The following NCAM1 variants were observed in gnomAD, a reference collection of about 807,000 sequenced individuals.
NCAM1 encodes the protein antigen recognized by monoclonal antibody 5.1H11.
In NCAM1, 14 loss-of-function variants were observed where a neutral mutation model predicts 109.8. That is an observed-to-expected ratio of 0.13 (90% confidence interval 0.08 to 0.20). The LOEUF is 0.20. NCAM1 is among the 10% of genes least tolerant of loss of function. The probability of loss-of-function intolerance (pLI) is 1.00; values close to 1 mark genes in which losing one functional copy is unlikely to be tolerated. For synonymous variants in NCAM1, 418 were observed against 442.9 expected (o/e 0.94, Z 0.70); for missense variants, 774 against 1,109.9 (o/e 0.70, Z 4.30).
At chr11:113,158,268 A>C (rs1942484432) in intron 1 of NCAM1, among the ~76,000 whole-genome samples, 1 of 151,794 alleles carries the variant, frequency 6.6e-6, no homozygotes. Context: ...TGTTTCCTTA[A>C]AATGACAGGC....
intron 1 of NCAM1, among the ~76,000 whole-genome samples, chr11:113,186,512 A>G (rs930930073): frequency 6.6e-6 from 1 of 152,220 alleles, no homozygotes; most frequent in Admixed American, 6.5e-5. Flanking sequence ...ATTAAGGCAC[A>G]AGCTAATTGC....
chr11:113,266,566 GT>G (rs1336583836), intron 17 of NCAM1, among the ~76,000 whole-genome samples: 2 of 152,092 alleles, frequency 1.3e-5, no homozygotes, highest in Non-Finnish European at 2.9e-5. Flanking sequence ...TAGGAGCGTG[GT>G]CCTCATAAGA....
chr11:113,182,540 T>G (rs181156748), intron 1 of NCAM1, among the ~76,000 whole-genome samples: 93 of 152,354 alleles, frequency 6.1e-4, no homozygotes, highest in Non-Finnish European at 1.2e-3. Context: ...GTCATTTTGC[T>G]TGCTCTTCAT....
chr11:113,224,508 C>G lies in NCAM1; in HGVS notation c.1089+3183C>G, dbSNP rs9783383. Among the ~76,000 whole-genome samples the G allele has an allele frequency of 7.6e-3, 1,154 of 152,368 alleles. 17 individuals carry two copies. The highest frequency in any genetic ancestry group is 0.027 in the African/African-American group (1,106 of 41,592). ...CTCTTGTAGACTCCACCTCTGGCAG[C>G]AGGGCATAGCCAAACAAAAGGCAGC... is the stretch of plus-strand genomic sequence containing the variant. On this transcript the variant is annotated intron_variant, in intron 9 of 19. Coordinates refer to ENST00000316851, the MANE Select transcript of NCAM1 (RefSeq NM_181351.5).
chr11:112,995,774 C>T (rs1555071338), intron 1 of NCAM1, among the ~76,000 whole-genome samples: 1 of 152,164 alleles, frequency 6.6e-6, no homozygotes, highest in Non-Finnish European at 1.5e-5. Context: ...AGTGAGCCTG[C>T]TGTGAAGATC....
At chr11:113,184,345 T>A (rs1300270483) in intron 1 of NCAM1, among the ~76,000 whole-genome samples, 1 of 152,158 alleles carries the variant, frequency 6.6e-6, no homozygotes, top group East Asian at 1.9e-4. Flanking sequence ...TTCATCAATA[T>A]AACAGAATAA....
intron 1 of NCAM1, among the ~76,000 whole-genome samples, chr11:113,105,930 AATG>A (rs1375469207): frequency 6.6e-6 from 1 of 152,254 alleles, no homozygotes; most frequent in Non-Finnish European, 1.5e-5. Context: ...GCTGTTATAA[AATG>A]ATGAGTTTGA....
intron 1 of NCAM1, among the ~76,000 whole-genome samples, chr11:113,159,028 A>G (rs551514738): frequency 6.6e-6 from 1 of 152,228 alleles, no homozygotes; most frequent in Non-Finnish European, 1.5e-5. Context: ...CGTAAAGCTC[A>G]GCATCTCCTT....
intron 9 of NCAM1, chr11:113,231,287 T>C (rs1555117150): frequency 6.5e-7 from 1 of 1,536,008 alleles, no homozygotes; most frequent in South Asian, 1.2e-5. Context: ...GGGCTGCTGC[T>C]GCTGCTGCTG....
intron 15 of NCAM1, 56 bp from the exon 16 acceptor site, chr11:113,255,821 G>C (rs1945817602): frequency 1.3e-6 from 2 of 1,599,156 alleles, no homozygotes; most frequent in African/African-American, 2.7e-5. Flanking sequence ...CATTCAGATG[G>C]GTTGGATTTT....
intron 14 of NCAM1, among the ~76,000 whole-genome samples, chr11:113,239,499 CTTTTTTTTT>C (rs55641415): frequency 0.28 from 31,453 of 110,894 alleles, 3,867 homozygotes; most frequent in Middle Eastern, 0.41. Context: ...TGAGTCTCTA[CTTTTTTTTT>C]TTTTTTTTTT....
At chr11:113,251,810 G>A (rs1026424175) in intron 15 of NCAM1, among the ~76,000 whole-genome samples, 2 of 152,168 alleles carry the variant, frequency 1.3e-5, no homozygotes, top group Non-Finnish European at 1.5e-5. Context: ...AGAACACAGT[G>A]CACATCAGGA....
At chr11:113,038,577 T>A (rs782622764) in intron 1 of NCAM1, among the ~76,000 whole-genome samples, 1 of 152,192 alleles carries the variant, frequency 6.6e-6, no homozygotes, top group Non-Finnish European at 1.5e-5. Context: ...GCATAGTAGA[T>A]CTGCTTGGCT....
intron 16 of NCAM1, among the ~76,000 whole-genome samples, chr11:113,258,862 T>C (rs1193055735): frequency 1.3e-5 from 2 of 152,140 alleles, no homozygotes; most frequent in East Asian, 1.9e-4. Flanking sequence ...CAAACGAACT[T>C]AGCTCCAGCC....
chr11:113,217,219 T>C (rs868993228), intron 8 of NCAM1, among the ~76,000 whole-genome samples: 3 of 152,196 alleles, frequency 2.0e-5, no homozygotes, highest in Admixed American at 1.3e-4. Context: ...AGCCAGTCCG[T>C]CCCTGTCTGA....
intron 8 of NCAM1, among the ~76,000 whole-genome samples, chr11:113,220,790 T>G (rs1057307104): frequency 6.6e-6 from 1 of 151,850 alleles, no homozygotes; most frequent in Non-Finnish European, 1.5e-5. Context: ...GTATTTTTTT[T>G]AGTAGAGATG....
At chr11:112,980,663 T>C (rs1951129883) in intron 1 of NCAM1, among the ~76,000 whole-genome samples, 1 of 151,800 alleles carries the variant, frequency 6.6e-6, no homozygotes, top group Non-Finnish European at 1.5e-5. Context: ...TTTTGTTACA[T>C]GGATAAGTTC....
intron 1 of NCAM1, among the ~76,000 whole-genome samples, chr11:113,124,994 G>C: frequency 6.6e-6 from 1 of 152,298 alleles, no homozygotes; most frequent in East Asian, 1.9e-4. Flanking sequence ...ATTGAAAAAG[G>C]TTTAGCAATA....
At chr11:113,011,394 A>G (rs952729893) in intron 1 of NCAM1, among the ~76,000 whole-genome samples, 140 of 152,020 alleles carry the variant, frequency 9.2e-4, no homozygotes, top group Non-Finnish European at 1.7e-3. Context: ...CCAAGTCTTC[A>G]CTATTGTGAA....
Sources: allele counts gnomAD v4.1 joint callset (sites outside exome capture counted in the v4.1 genomes callset), GRCh38; gene constraint gnomAD v4.1.1; transcripts MANE v1.5; gene names NCBI Gene and HGNC (gene_info 2026-07-23, HGNC 2026-07-21).